GABRG1: variants seen among roughly 807,000 people sequenced by gnomAD.
GABRG1 encodes gamma-aminobutyric acid receptor subunit gamma-1.
GABRG1 carries 49 observed loss-of-function variants against 49.8 expected under a neutral mutation model. That is an observed-to-expected ratio of 0.98 (90% confidence interval 0.78 to 1.25). The LOEUF (loss-of-function observed/expected upper bound fraction) is 1.25. Ranked by LOEUF, GABRG1 falls within the 50% of genes most tolerant of loss-of-function variation. The pLI is 0.00. For missense variants in GABRG1, 552 were observed against 552.3 expected (o/e 1.00, Z 0.01); for synonymous variants, 232 against 185.1 (o/e 1.25, Z -2.06).
Position 46,058,159 on chromosome 4 carries a change from A to G in GABRG1, c.916+58T>C, listed in dbSNP as rs114674065. The G allele has an allele frequency of 8.8e-4, 1,314 of 1,485,296 alleles. 11 individuals are homozygous for G. In the African/African-American group the frequency reaches 0.016, roughly 18 times the overall value. 92.0% of individuals were successfully genotyped at this position (1,485,296 alleles called of 1,614,324 possible). A position where few individuals can be genotyped will look rare whatever the true frequency, so the allele number is the denominator to read the frequency against. On this transcript the variant is annotated intron_variant, in intron 7 of 8. Coordinates refer to ENST00000295452, the MANE Select transcript of GABRG1 (RefSeq NM_173536.4). ...ATAAATGTGACTATGAACTTTTATC[A>G]CATCAAAATGATTTTTTAAAGTTCT...
At chr4:46,075,852 T>C (rs1719306167) in intron 3 of GABRG1, among the ~76,000 whole-genome samples, 1 of 151,944 alleles carries the variant, frequency 6.6e-6, no homozygotes, top group Non-Finnish European at 1.5e-5. Context: ...ACAACTCAGA[T>C]AAAGAAAGAT....
At position 46,117,804 on chromosome 4, in the gene GABRG1, G is replaced by A. The variant is rs1290259894; in HGVS notation, c.104+6006C>T. 9.7e-5 allele frequency among the ~76,000 whole-genome samples: 12 copies of A among 123,806 alleles called. 1 individual carries two copies. The highest frequency in any genetic ancestry group is 5.9e-3 in the Middle Eastern group (1 of 170). 81.2% of individuals were successfully genotyped at this position (123,806 alleles called of 152,430 possible). On this transcript the variant is annotated intron_variant, in intron 1 of 8. Transcript: ENST00000295452. ...TACATGTATATACATATATACATATGTATACATGTGTATCTATATACATAT... is the reference window on the plus strand; with the variant it reads ...TACATGTATATACATATATACATATATATACATGTGTATCTATATACATAT...
chr4:46,050,319 C>T (rs932375795), intron 8 of GABRG1, among the ~76,000 whole-genome samples: 1 of 151,738 alleles, frequency 6.6e-6, no homozygotes, highest in African/African-American at 2.4e-5. Context: ...CAAAATACAC[C>T]AGGTTTTTCT....
At chr4:46,041,723 G>T (rs770160280) in intron 8 of GABRG1, among the ~76,000 whole-genome samples, 1 of 152,016 alleles carries the variant, frequency 6.6e-6, no homozygotes, top group Non-Finnish European at 1.5e-5. Context: ...AAGTTATGGG[G>T]TTTGTGATGG....
chr4:46,086,936 C>T (rs1719781935), intron 2 of GABRG1, among the ~76,000 whole-genome samples: 1 of 134,950 alleles, frequency 7.4e-6, no homozygotes, highest in Non-Finnish European at 1.6e-5. Flanking sequence ...AAAAGAATGG[C>T]TACTCCATAG....
intron 1 of GABRG1, among the ~76,000 whole-genome samples, chr4:46,121,476 A>T (rs1302313424): frequency 6.6e-6 from 1 of 152,004 alleles, no homozygotes; most frequent in African/African-American, 2.4e-5. Flanking sequence ...TAGCAAAAGC[A>T]TGCTTTATTT....
chr4:46,096,421 A>G (rs1720164682), intron 2 of GABRG1, among the ~76,000 whole-genome samples: 1 of 151,632 alleles, frequency 6.6e-6, no homozygotes, highest in African/African-American at 2.4e-5. Context: ...CTAAAATAAA[A>G]CAAATATTAA....
chr4:46,064,561 A>T, intron 4 of GABRG1, 38 bp from the exon 5 acceptor site: 1 of 1,088,126 alleles, frequency 9.2e-7, no homozygotes, highest in South Asian at 1.8e-5. Context: ...ATAAAGATAA[A>T]TAATTTGAAG....
chr4:46,081,629 A>G (rs1345783347), intron 3 of GABRG1, among the ~76,000 whole-genome samples: 1 of 151,864 alleles, frequency 6.6e-6, no homozygotes, highest in East Asian at 1.9e-4. Context: ...AATATTGAAT[A>G]AATAAAATGA....
chr4:46,085,660 T>C (rs913493121), intron 2 of GABRG1, among the ~76,000 whole-genome samples: 2 of 151,518 alleles, frequency 1.3e-5, no homozygotes, highest in Admixed American at 1.3e-4. Context: ...CGGCTGGTGA[T>C]ATGCTTTAAA....
intron 8 of GABRG1, among the ~76,000 whole-genome samples, chr4:46,049,119 C>A (rs1560348675): frequency 6.6e-6 from 1 of 151,524 alleles, no homozygotes; most frequent in East Asian, 1.9e-4. Context: ...GAAGGAAAGA[C>A]AAAGAGGAAA....
chr4:46,046,964 A>AACC (rs1577629120), intron 8 of GABRG1, among the ~76,000 whole-genome samples: 1 of 152,104 alleles, frequency 6.6e-6, no homozygotes, highest in South Asian at 2.1e-4. Context: ...CCTGGCCATA[A>AACC]ACCACTCTTC....
At chr4:46,049,654 A>G (rs1283426362) in intron 8 of GABRG1, among the ~76,000 whole-genome samples, 1 of 151,994 alleles carries the variant, frequency 6.6e-6, no homozygotes, top group African/African-American at 2.4e-5. Flanking sequence ...GATTAAAAAT[A>G]GTAACTATTC....
intron 1 of GABRG1, among the ~76,000 whole-genome samples, chr4:46,101,195 A>C (rs181821897): frequency 1.1e-3 from 168 of 151,196 alleles, no homozygotes; most frequent in African/African-American, 3.8e-3. Context: ...AAAAATGAGA[A>C]AATAAGAGAT....
chr4:46,089,824 G>T (rs1045762207), intron 2 of GABRG1, among the ~76,000 whole-genome samples: 2 of 151,928 alleles, frequency 1.3e-5, no homozygotes, highest in African/African-American at 4.8e-5. Context: ...TTAGCTGTGC[G>T]GGGTGTGGCA....
In GABRG1 at chr4:46,058,582, C is replaced by T; in HGVS notation, c.666G>A (p.Lys222=). Residue 222 remains lysine (K), a synonymous_variant, in exon 6 of 9, where the codon AAG becomes AAA. Coordinates refer to ENST00000295452, the MANE Select transcript of GABRG1 (RefSeq NM_173536.4). ...PKNEIEYKWK[K]PSVEVADPKY... ...TAGGATCAGCCACTTCTACGGAGGG[C>T]TTTTTCCACTTATACTCAATTTCAT... is the stretch of plus-strand genomic sequence containing the variant. The T allele has an allele frequency of 1.2e-6, 2 of 1,612,750 alleles. No individual in the cohort carries two copies. Among genetic ancestry groups the T allele is most frequent in the African/African-American group, 1.3e-5 (1 of 74,970 alleles).
intron 1 of GABRG1, among the ~76,000 whole-genome samples, chr4:46,114,049 A>G (rs1223129902): frequency 6.6e-6 from 1 of 151,064 alleles, no homozygotes; most frequent in East Asian, 2.0e-4. Context: ...TCAAAAAGTA[A>G]ATAAATTTTC....
At chr4:46,045,854 T>C (rs1023913689) in intron 8 of GABRG1, among the ~76,000 whole-genome samples, 1 of 151,904 alleles carries the variant, frequency 6.6e-6, no homozygotes, top group African/African-American at 2.4e-5. Context: ...AGTGAGCCAA[T>C]ACACCAGGTC....
intron 1 of GABRG1, among the ~76,000 whole-genome samples, chr4:46,118,183 C>A (rs902450505): frequency 6.9e-6 from 1 of 145,804 alleles, no homozygotes; most frequent in African/African-American, 2.6e-5. Flanking sequence ...TTATCCTCAA[C>A]CCCCTAACAG....
Sources: gnomAD v4.1 joint callset for allele counts (sites outside exome capture counted in the v4.1 genomes callset) on GRCh38, gnomAD v4.1.1 for gene constraint, MANE v1.5 for transcripts, NCBI Gene and HGNC (gene_info 2026-07-23, HGNC 2026-07-21) for gene names.